Variants in TMEM132D observed in about 807,000 individuals in gnomAD.
TMEM132D encodes mature OL transmembrane protein.
In TMEM132D, 21 loss-of-function variants were observed where a neutral mutation model predicts 62.3. That is an observed-to-expected ratio of 0.34 (90% CI 0.24 to 0.49). The LOEUF (loss-of-function observed/expected upper bound fraction) is 0.49, where lower values mean the gene tolerates loss of function less well. Among genes scored for constraint, TMEM132D ranks in the 20% least tolerant of loss-of-function variants. The probability of loss-of-function intolerance (pLI) is 0.99; values close to 1 mark genes in which losing one functional copy is unlikely to be tolerated. For synonymous variants in TMEM132D, 621 were observed against 575.6 expected, an observed-to-expected ratio of 1.08 and a Z score of -1.13; for missense variants, 1,346 against 1,402.8, an observed-to-expected ratio of 0.96 and a Z score of 0.65.
intron 2 of TMEM132D, chr12:129,682,798 G>A (rs546158933): frequency 1.4e-5 from 2 of 147,426 alleles, no homozygotes; most frequent in Admixed American, 1.4e-4. Context: ...GGTGGAGCTT[G>A]CAGTGAGCCG....
intron 4 of TMEM132D, among the ~76,000 whole-genome samples, chr12:129,260,524 T>G (rs965568172): frequency 1.1e-4 from 17 of 152,332 alleles, no homozygotes; most frequent in African/African-American, 3.8e-4. Flanking sequence ...TTTATTTTTT[T>G]AATTTCAACA....
chr12:129,249,404 T>C (rs10847818), intron 4 of TMEM132D, among the ~76,000 whole-genome samples: 6,486 of 152,238 alleles, frequency 0.043, 329 homozygotes, highest in East Asian at 0.26. Flanking sequence ...ATCATGCCCA[T>C]TTGTTAGTTT....
At chr12:129,165,432 AGTGTT>A (rs910249027) in intron 5 of TMEM132D, among the ~76,000 whole-genome samples, 1 of 152,250 alleles carries the variant, frequency 6.6e-6, no homozygotes, top group African/African-American at 2.4e-5. Context: ...TTATATATAA[AGTGTT>A]GTGATGTCTG....
chr12:129,859,446 C>G (rs11060589), intron 1 of TMEM132D, among the ~76,000 whole-genome samples: 1 of 152,086 alleles, frequency 6.6e-6, no homozygotes, highest in Non-Finnish European at 1.5e-5. Flanking sequence ...AAAATTACAA[C>G]ATGTGATGGT....
chr12:129,452,270 C>A (rs561876928), intron 3 of TMEM132D, among the ~76,000 whole-genome samples: 1 of 152,332 alleles, frequency 6.6e-6, no homozygotes, highest in Admixed American at 6.5e-5. Flanking sequence ...GGAAGAAAGG[C>A]ATTTCTCTGT....
intron 2 of TMEM132D, among the ~76,000 whole-genome samples, chr12:129,552,066 C>G (rs907890907): frequency 6.6e-6 from 1 of 152,078 alleles, no homozygotes; most frequent in African/African-American, 2.4e-5. Context: ...GGAAAAAGTA[C>G]TAGTGTTGGG....
At chr12:129,525,559 A>C (rs1876004934) in intron 3 of TMEM132D, among the ~76,000 whole-genome samples, 1 of 152,174 alleles carries the variant, frequency 6.6e-6, no homozygotes, top group Non-Finnish European at 1.5e-5. Context: ...GAATCTAAAA[A>C]TGATGAAGAG....
At chr12:129,336,555 G>A (rs1027777424) in intron 4 of TMEM132D, among the ~76,000 whole-genome samples, 2 of 151,726 alleles carry the variant, frequency 1.3e-5, no homozygotes, top group Non-Finnish European at 2.9e-5. Context: ...CTGGGCAACA[G>A]ACTGGCACTC....
At chr12:129,095,109 C>G (rs1875058665) in intron 5 of TMEM132D, among the ~76,000 whole-genome samples, 1 of 151,774 alleles carries the variant, frequency 6.6e-6, no homozygotes, top group East Asian at 1.9e-4. Flanking sequence ...GTGCAGCCCA[C>G]CAACATGGCG....
intron 5 of TMEM132D, among the ~76,000 whole-genome samples, chr12:129,114,394 T>TCCTTCCCTCCTTCCC (rs1875821042): frequency 3.4e-5 from 5 of 146,390 alleles, no homozygotes; most frequent in East Asian, 4.1e-4. Context: ...AACTCCTTCC[T>TCCTTCCCTCCTTCCC]TCCTTCCCTC....
intron 5 of TMEM132D, among the ~76,000 whole-genome samples, chr12:129,111,945 C>T (rs565299206): frequency 6.6e-6 from 1 of 152,254 alleles, no homozygotes; most frequent in Admixed American, 6.5e-5. Flanking sequence ...TCAGGGGTCC[C>T]TTGGCACTCT....
At chr12:129,260,976 T>A (rs762278260) in intron 4 of TMEM132D, among the ~76,000 whole-genome samples, 4 of 152,194 alleles carry the variant, frequency 2.6e-5, no homozygotes, top group Admixed American at 2.6e-4. Context: ...TAAACATGCA[T>A]ATGCATCTAT....
In TMEM132D at chr12:129,082,147, T is replaced by G. The variant is rs533761593; in HGVS notation, c.1650-115A>C. The G allele has an allele frequency of 2.7e-5, 36 of 1,313,714 alleles. No individual in the cohort carries two copies. In the African/African-American group the frequency reaches 5.1e-4, roughly 19 times the overall value. 81.4% of individuals were successfully genotyped at this position (1,313,714 alleles called of 1,614,324 possible). A position where few individuals can be genotyped will look rare whatever the true frequency, so the allele number is the denominator to read the frequency against. On this transcript the variant is annotated intron_variant, in intron 6 of 8. Transcript: ENST00000422113. ...AGGTAGGCCATGAGACTTCAAGGAG[T>G]TTATAGCCAGACATGCAGAGGTGAA...
intron 5 of TMEM132D, among the ~76,000 whole-genome samples, chr12:129,118,938 C>T (rs1207491941): frequency 6.6e-6 from 1 of 152,162 alleles, no homozygotes. Flanking sequence ...AACAGAGGGC[C>T]TTCTACAGGG....
chr12:129,502,951 A>G (rs1259710812), intron 3 of TMEM132D, among the ~76,000 whole-genome samples: 3 of 152,254 alleles, frequency 2.0e-5, no homozygotes, highest in South Asian at 4.2e-4. Flanking sequence ...CTAGAATGTA[A>G]CCTTCATGAG....
intron 3 of TMEM132D, among the ~76,000 whole-genome samples, chr12:129,423,290 C>G (rs768119535): frequency 1.3e-5 from 2 of 152,186 alleles, no homozygotes; most frequent in African/African-American, 2.4e-5. Context: ...GGAAACAGTG[C>G]TCTGCAAACT....
chr12:129,820,439 C>G (rs1872513525), intron 1 of TMEM132D, among the ~76,000 whole-genome samples: 1 of 152,140 alleles, frequency 6.6e-6, no homozygotes, highest in Non-Finnish European at 1.5e-5. Context: ...TTCTGATGCA[C>G]ACTCAGCGTG....
At chr12:129,798,663 C>T (rs1022882519) in intron 1 of TMEM132D, among the ~76,000 whole-genome samples, 4 of 151,778 alleles carry the variant, frequency 2.6e-5, no homozygotes, top group South Asian at 2.1e-4. Flanking sequence ...CCTACCTGGG[C>T]GAGCATCCTT....
chr12:129,088,309 C>T (rs1377775982), intron 5 of TMEM132D, among the ~76,000 whole-genome samples: 1 of 43,204 alleles, frequency 2.3e-5, no homozygotes, highest in Non-Finnish European at 3.9e-5. Context: ...CCTCCATGAC[C>T]GGGTGTCCTC....
Sources: gnomAD v4.1 joint callset for allele counts (sites outside exome capture counted in the v4.1 genomes callset) on GRCh38, gnomAD v4.1.1 for gene constraint, MANE v1.5 for transcripts, NCBI Gene and HGNC (gene_info 2026-07-23, HGNC 2026-07-21) for gene names.